The following ARHGAP10 variants were observed in gnomAD, a reference collection of about 807,000 sequenced individuals.
ARHGAP10 encodes rho GTPase-activating protein 10.
Under a neutral mutation model 108.6 loss-of-function variants are expected in ARHGAP10, and 87 were observed. That is an observed-to-expected ratio of 0.80 (90% confidence interval 0.67 to 0.96). The LOEUF (loss-of-function observed/expected upper bound fraction) is 0.96. Ranked by LOEUF, ARHGAP10 falls within the 40% of genes least tolerant of loss-of-function variation. The pLI, the probability that ARHGAP10 is intolerant of heterozygous loss-of-function variation, is 0.00. For missense variants in ARHGAP10, 939 were observed against 954.5 expected (o/e 0.98, Z 0.21); for synonymous variants, 347 against 341.1 (o/e 1.02, Z -0.19).
chr4:147,967,770 C>A (rs933111885), intron 18 of ARHGAP10, among the ~76,000 whole-genome samples: 1 of 152,032 alleles, frequency 6.6e-6, no homozygotes, highest in African/African-American at 2.4e-5. Flanking sequence ...CAAGGCTTTT[C>A]TGTAAAGGAC....
At chr4:147,872,224 T>C (rs1481257018) in intron 7 of ARHGAP10, among the ~76,000 whole-genome samples, 2 of 151,450 alleles carry the variant, frequency 1.3e-5, no homozygotes, top group African/African-American at 2.4e-5. Flanking sequence ...GGAGTGGTGA[T>C]GAGACAGAGG....
chr4:147,922,687 CAA>C (rs34169210), intron 13 of ARHGAP10, among the ~76,000 whole-genome samples: 267 of 99,216 alleles, frequency 2.7e-3, no homozygotes, highest in Non-Finnish European at 4.1e-3. Context: ...GACTCCGTCT[CAA>C]AAAAAAAAAA....
At chr4:148,050,942 G>C (rs560128822) in intron 20 of ARHGAP10, among the ~76,000 whole-genome samples, 2 of 152,296 alleles carry the variant, frequency 1.3e-5, no homozygotes, top group South Asian at 4.1e-4. Flanking sequence ...TTAATAGGAG[G>C]CAATGCCTTT....
At chr4:148,051,884 G>C (rs554657707) in intron 20 of ARHGAP10, among the ~76,000 whole-genome samples, 1 of 152,006 alleles carries the variant, frequency 6.6e-6, no homozygotes, top group African/African-American at 2.4e-5. Context: ...TTTTATTCTC[G>C]TCAATGCAAT....
intron 3 of ARHGAP10, among the ~76,000 whole-genome samples, chr4:147,843,308 A>G (rs1418879340): frequency 6.6e-6 from 1 of 151,946 alleles, no homozygotes; most frequent in Non-Finnish European, 1.5e-5. Context: ...ACATGCCTTT[A>G]CTTTATGGCA....
intron 1 of ARHGAP10, among the ~76,000 whole-genome samples, chr4:147,735,409 G>A (rs868682346): frequency 6.6e-6 from 1 of 152,208 alleles, no homozygotes; most frequent in African/African-American, 2.4e-5. Context: ...GAAAGTTTTG[G>A]AACTCACTGG....
chr4:147,870,038 G>A (rs1323998602), intron 7 of ARHGAP10, among the ~76,000 whole-genome samples: 1 of 151,120 alleles, frequency 6.6e-6, no homozygotes, highest in Non-Finnish European at 1.5e-5. Context: ...GTGTGTGTGT[G>A]TGTGTGTTTC....
Position 147,850,035 on chromosome 4 carries a change from A to T in ARHGAP10, c.384+2813A>T, listed in dbSNP as rs148943062. On this transcript the variant is annotated intron_variant, in intron 4 of 22. Transcript: ENST00000336498. ...ACCAATCAGCGCTCTGTATCTAGCC[A>T]AAGGTTTGTAAATGCACCAATCAGC... Among the ~76,000 whole-genome samples, 851 of 152,324 alleles carry T rather than the reference A, an allele frequency of 5.6e-3. 6 individuals carry two copies. Among genetic ancestry groups the T allele is most frequent in the African/African-American group, 0.02 (821 of 41,574 alleles).
At chr4:147,916,645 C>T (rs1048246109) in intron 13 of ARHGAP10, 3 of 152,172 alleles carry the variant, frequency 2.0e-5, no homozygotes, top group Admixed American at 6.5e-5. Context: ...ATTTCTGTGG[C>T]TCTGTAGCAG....
chr4:147,954,203 T>C (rs1738709500), intron 15 of ARHGAP10, among the ~76,000 whole-genome samples: 1 of 152,038 alleles, frequency 6.6e-6, no homozygotes, highest in Non-Finnish European at 1.5e-5. Context: ...GTGAAGGACA[T>C]GCCAGTTGGA....
chr4:147,806,214 G>A (rs1284126239), intron 1 of ARHGAP10, among the ~76,000 whole-genome samples: 2 of 151,968 alleles, frequency 1.3e-5, no homozygotes, highest in African/African-American at 4.8e-5. Context: ...GGCTTTCCAG[G>A]TCGGATCAAA....
intron 18 of ARHGAP10, among the ~76,000 whole-genome samples, chr4:147,988,452 A>G (rs1196903737): frequency 2.6e-5 from 4 of 152,106 alleles, no homozygotes; most frequent in Non-Finnish European, 5.9e-5. Context: ...GTCAGGTAGC[A>G]TTTTACAGTT....
chr4:147,766,667 C>T (rs992071113), intron 1 of ARHGAP10, among the ~76,000 whole-genome samples: 2 of 145,796 alleles, frequency 1.4e-5, no homozygotes, highest in East Asian at 2.0e-4. Context: ...CACCCACACA[C>T]ACTGCACTCC....
chr4:148,001,123 TC>T (rs1375221864), intron 18 of ARHGAP10, among the ~76,000 whole-genome samples: 7 of 152,260 alleles, frequency 4.6e-5, no homozygotes, highest in African/African-American at 1.7e-4. Context: ...AGTTTCAGCT[TC>T]CTACATATGG....
At chr4:148,062,122 G>A (rs1327390591) in intron 20 of ARHGAP10, among the ~76,000 whole-genome samples, 1 of 152,234 alleles carries the variant, frequency 6.6e-6, no homozygotes, top group Non-Finnish European at 1.5e-5. Flanking sequence ...AGGTGAGCAG[G>A]TGCAGGAGCA....
chr4:147,796,307 G>T (rs955392902), intron 1 of ARHGAP10, among the ~76,000 whole-genome samples: 1 of 152,094 alleles, frequency 6.6e-6, no homozygotes, highest in African/African-American at 2.4e-5. Context: ...TAGTGGGAGA[G>T]ACAAACACAC....
At chr4:147,759,156 A>G (rs947732194) in intron 1 of ARHGAP10, among the ~76,000 whole-genome samples, 4 of 152,190 alleles carry the variant, frequency 2.6e-5, no homozygotes, top group African/African-American at 7.2e-5. Context: ...GTAATAAACT[A>G]TTGTAATAAA....
At chr4:147,747,280 A>G (rs975921025) in intron 1 of ARHGAP10, among the ~76,000 whole-genome samples, 3 of 152,172 alleles carry the variant, frequency 2.0e-5, no homozygotes, top group African/African-American at 7.2e-5. Context: ...AGATTGTAGG[A>G]CTTCCAAGTG....
intron 18 of ARHGAP10, among the ~76,000 whole-genome samples, chr4:147,979,756 G>T (rs1371101575): frequency 6.6e-6 from 1 of 152,020 alleles, no homozygotes; most frequent in Non-Finnish European, 1.5e-5. Flanking sequence ...TCACTTTCTT[G>T]GTTAAATATA....
Sources: allele counts gnomAD v4.1 joint callset (sites outside exome capture counted in the v4.1 genomes callset), GRCh38; gene constraint gnomAD v4.1.1; transcripts MANE v1.5; gene names NCBI Gene and HGNC (gene_info 2026-07-23, HGNC 2026-07-21).